Variants in SLC9C2 observed in about 807,000 individuals in gnomAD.
SLC9C2 encodes sodium/hydrogen exchanger 11.
A neutral mutation model predicts 140.2 loss-of-function variants in SLC9C2; 75 were observed. The ratio of observed to expected loss-of-function variants is 0.53; its 90% confidence interval spans 0.44 to 0.65. SLC9C2 has a LOEUF of 0.65. Ranked by LOEUF, SLC9C2 falls within the 30% of genes least tolerant of loss-of-function variation. The pLI, the probability that SLC9C2 is intolerant of heterozygous loss-of-function variation, is 0.00. For synonymous variants in SLC9C2, 375 were observed against 420.9 expected, an observed-to-expected ratio of 0.89 and a Z score of 1.34; for missense variants, 1,074 against 1,331.8, an observed-to-expected ratio of 0.81 and a Z score of 3.01.
intron 7 of SLC9C2, among the ~76,000 whole-genome samples, chr1:173,577,961 A>C (rs564105142): frequency 1.3e-5 from 2 of 152,046 alleles, no homozygotes; most frequent in African/African-American, 2.4e-5. Context: ...CAGGGAAACT[A>C]TCTTTCAATT....
At chr1:173,533,560 G>C (rs888954145) in intron 17 of SLC9C2, 49 bp downstream of exon 17, 1 of 1,419,052 alleles carries the variant, frequency 7.0e-7, no homozygotes, top group Non-Finnish European at 9.7e-7. Context: ...TTATAGGTGT[G>C]AGCTACCACT....
At position 173,530,018 on chromosome 1, in the gene SLC9C2, G is replaced by A; in HGVS notation, c.2200C>T (p.Gln734Ter). 1 of 1,612,080 alleles carries A rather than the reference G, an allele frequency of 6.2e-7. No individual in the cohort carries two copies. The highest frequency in any genetic ancestry group is 8.5e-7 in the Non-Finnish European group (1 of 1,179,492). ...VPILIRIADVQIKKRLSLMYS... is the reference protein window; with the variant it reads ...VPILIRIADV ...ATCAAGCTGAGGCGCTTTTTGATCT[G>A]CACATCTGCAATTCTTATCAGTATT... The change falls in exon 18 of 28, where the codon CAG (glutamine) becomes TAG (stop). Residue 734 changes from glutamine to a stop codon, truncating the protein, a stop_gained. Coordinates refer to ENST00000367714, the MANE Select transcript of SLC9C2 (RefSeq NM_178527.4). LOFTEE classifies it high-confidence loss of function.
Position 173,521,293 on chromosome 1 carries a change from T to C in SLC9C2, c.2739+8A>G. On this transcript the variant is annotated splice_region_variant and intron_variant, in intron 22 of 27. Coordinates refer to ENST00000367714, the MANE Select transcript of SLC9C2 (RefSeq NM_178527.4). ...TAAAAAAAAAAAAAAAAATCAATAG[T>C]CCCTTACAATTGCCATTCCTGAAAT... The C allele has an allele frequency of 1.4e-6, 2 of 1,404,466 alleles. No individual in the cohort carries two copies. Among genetic ancestry groups the C allele is most frequent in the South Asian group, 1.4e-5 (1 of 73,048 alleles). The allele number at this position is 1,404,466 out of a possible 1,614,324, so 87.0% of individuals were successfully genotyped here.
intron 3 of SLC9C2, among the ~76,000 whole-genome samples, chr1:173,599,085 C>T (rs1305907521): frequency 2.0e-5 from 3 of 152,064 alleles, no homozygotes; most frequent in Non-Finnish European, 2.9e-5. Context: ...ATGATGAACA[C>T]AACTGCTGCC....
chr1:173,587,350 CT>C (rs1260498145), intron 5 of SLC9C2, among the ~76,000 whole-genome samples: 1 of 152,000 alleles, frequency 6.6e-6, no homozygotes, highest in Non-Finnish European at 1.5e-5. Flanking sequence ...GAATATCTAC[CT>C]TGTGGCTAAG....
At chr1:173,545,540 G>A (rs1329967640) in intron 13 of SLC9C2, among the ~76,000 whole-genome samples, 2 of 152,096 alleles carry the variant, frequency 1.3e-5, no homozygotes, top group African/African-American at 4.8e-5. Context: ...TGGGTGTCTG[G>A]GGGGCAGATA....
intron 9 of SLC9C2, chr1:173,571,824 TTAA>T (rs1199360563): frequency 6.6e-6 from 1 of 152,354 alleles, no homozygotes; most frequent in African/African-American, 2.4e-5. Flanking sequence ...TTTAATTTTA[TTAA>T]TAATGTTTTG....
chr1:173,567,415 C>A (rs1319343118), intron 9 of SLC9C2, among the ~76,000 whole-genome samples: 1 of 152,054 alleles, frequency 6.6e-6, no homozygotes, highest in African/African-American at 2.4e-5. Context: ...TATATAATGA[C>A]CTTCTTTGTC....
intron 4 of SLC9C2, among the ~76,000 whole-genome samples, chr1:173,592,266 C>CTGTA (rs2102254702): frequency 6.6e-6 from 1 of 152,172 alleles, no homozygotes; most frequent in Non-Finnish European, 1.5e-5. Flanking sequence ...TACTGTAGTC[C>CTGTA]TGTAGTACAG....
intron 8 of SLC9C2, among the ~76,000 whole-genome samples, chr1:173,574,861 G>T (rs1665070731): frequency 2.0e-5 from 3 of 152,108 alleles, no homozygotes; most frequent in African/African-American, 7.2e-5. Context: ...GCTCATGCAT[G>T]TAATCACAAC....
At chr1:173,521,216 T>C in intron 22 of SLC9C2, 85 bp downstream of exon 22, 2 of 748,618 alleles carry the variant, frequency 2.7e-6, no homozygotes, top group Non-Finnish European at 2.0e-6. Flanking sequence ...ACTTTTTCAG[T>C]ATCTAAATTT....
chr1:173,540,116 C>A (rs1662273499), intron 13 of SLC9C2, among the ~76,000 whole-genome samples: 1 of 152,132 alleles, frequency 6.6e-6, no homozygotes, highest in Non-Finnish European at 1.5e-5. Flanking sequence ...CTGTTGGAAC[C>A]CAGAGACCAT....
At chr1:173,532,162 C>T (rs1661624004) in intron 17 of SLC9C2, among the ~76,000 whole-genome samples, 1 of 152,100 alleles carries the variant, frequency 6.6e-6, no homozygotes. Context: ...AACAATTCTG[C>T]CTTAAAGATA....
rs892068582 is a variant in SLC9C2, at chr1:173,529,844, TAAAAG to T, written c.2313+56_2313+60del. On this transcript the variant is annotated intron_variant, in intron 18 of 27. Coordinates refer to ENST00000367714, the MANE Select transcript of SLC9C2 (RefSeq NM_178527.4). ...CGTCAAACACACATAGAACTAGTCTTAAAAGAAGTTAATACACCTAAGGGGTTTTT... is the reference window on the plus strand; with the variant it reads ...CGTCAAACACACATAGAACTAGTCTTAAGTTAATACACCTAAGGGGTTTTT... 23 of 1,541,342 alleles carry T rather than the reference TAAAAG, an allele frequency of 1.5e-5. No individual in the cohort carries two copies. The African/African-American group carries it at 2.9e-4, about 20-fold the overall frequency.
intron 9 of SLC9C2, among the ~76,000 whole-genome samples, chr1:173,558,338 C>T (rs935131941): frequency 6.6e-6 from 1 of 152,096 alleles, no homozygotes; most frequent in Non-Finnish European, 1.5e-5. Flanking sequence ...TGACTCTTAC[C>T]AACCTTTTCA....
chr1:173,557,471 G>A lies in SLC9C2; in HGVS notation c.1084C>T (p.His362Tyr). 1 of 1,613,656 alleles carries A rather than the reference G, an allele frequency of 6.2e-7. No homozygotes were observed. The highest frequency in any genetic ancestry group is 8.5e-7 in the Non-Finnish European group (1 of 1,179,802). The part of the protein sequence containing the change: ...TILLVSPILM[H>Y]SNYEYNWRWG... The stretch of plus-strand genomic sequence containing the variant: ...CGCCAATTATATTCATAATTTGAAT[G>A]CATCAAAATAGGGCTCACTAACAAA... The change falls in exon 10 of 28, where the codon CAT (histidine) becomes TAT (tyrosine). Residue 362 changes from histidine to tyrosine, a missense_variant. His to Tyr is a moderately conservative substitution (Grantham distance 83). Transcript: ENST00000367714.
chr1:173,531,208 T>C (rs1387487169), intron 17 of SLC9C2, among the ~76,000 whole-genome samples: 2 of 152,122 alleles, frequency 1.3e-5, no homozygotes, highest in African/African-American at 2.4e-5. Context: ...TCCTGGAAAA[T>C]AGTGAGTGTT....
At chr1:173,581,423 T>TA (rs1336059452) in intron 7 of SLC9C2, among the ~76,000 whole-genome samples, 1 of 152,240 alleles carries the variant, frequency 6.6e-6, no homozygotes, top group East Asian at 1.9e-4. Flanking sequence ...CTGCCATTTC[T>TA]ACAGTCTTCT....
intron 13 of SLC9C2, among the ~76,000 whole-genome samples, chr1:173,539,472 C>T (rs1019964934): frequency 9.2e-5 from 14 of 152,124 alleles, no homozygotes; most frequent in Non-Finnish European, 8.8e-5. Flanking sequence ...AATTCACTAA[C>T]ACTTGGAATA....
Sources: gnomAD v4.1 joint callset for allele counts (sites outside exome capture counted in the v4.1 genomes callset) on GRCh38, gnomAD v4.1.1 for gene constraint, MANE v1.5 for transcripts, NCBI Gene and HGNC (gene_info 2026-07-23, HGNC 2026-07-21) for gene names.